LRRC20: variants seen among roughly 807,000 people sequenced by gnomAD.
The protein encoded by LRRC20 is leucine rich repeat containing 20.
Under a neutral mutation model 14.4 loss-of-function variants are expected in LRRC20, and 11 were observed. That is an observed-to-expected ratio of 0.77 (90% CI 0.48 to 1.27). The LOEUF is 1.27. Ranked by LOEUF, LRRC20 falls within the 50% of genes most tolerant of loss-of-function variation. The pLI is 0.00. For missense variants in LRRC20, 219 were observed against 251.2 expected (o/e 0.87, Z 0.87); for synonymous variants, 121 against 107.3 (o/e 1.13, Z -0.79).
intron 4 of LRRC20, among the ~76,000 whole-genome samples, chr10:70,305,353 A>C (rs1024694017): frequency 1.3e-5 from 2 of 152,152 alleles, no homozygotes; most frequent in Non-Finnish European, 1.5e-5. Flanking sequence ...CCTGCTTTCC[A>C]TTCTTCTGGG....
chr10:70,377,963 T>C (rs1181481442), intron 1 of LRRC20, among the ~76,000 whole-genome samples: 3 of 151,988 alleles, frequency 2.0e-5, no homozygotes, highest in African/African-American at 7.3e-5. Flanking sequence ...CTTGGGAGAG[T>C]TTCTTAACTC....
At chr10:70,314,745 T>C (rs1277977892) in intron 4 of LRRC20, among the ~76,000 whole-genome samples, 2 of 152,128 alleles carry the variant, frequency 1.3e-5, no homozygotes, top group Non-Finnish European at 2.9e-5. Flanking sequence ...AGTACTTCCA[T>C]TCTGGGTGCC....
chr10:70,321,164 A>T (rs1297462151), intron 4 of LRRC20, among the ~76,000 whole-genome samples: 1 of 151,526 alleles, frequency 6.6e-6, no homozygotes, highest in East Asian at 1.9e-4. Flanking sequence ...TTTTTCCACC[A>T]CCCTCTAAGC....
At chr10:70,372,522 G>A (rs10733864) in intron 2 of LRRC20, among the ~76,000 whole-genome samples, 116,624 of 149,024 alleles carry the variant, frequency 0.78, 45,777 homozygotes, top group Admixed American at 0.81. Context: ...GCTCACTGCA[G>A]GCTCCACCTC....
At chr10:70,337,816 T>C (rs979820694) in intron 3 of LRRC20, among the ~76,000 whole-genome samples, 1 of 152,188 alleles carries the variant, frequency 6.6e-6, no homozygotes, top group Non-Finnish European at 1.5e-5. Flanking sequence ...CCCTGGTGGA[T>C]TGGCCTTTGT....
intron 2 of LRRC20, among the ~76,000 whole-genome samples, chr10:70,371,619 C>T (rs907442060): frequency 6.6e-6 from 1 of 152,078 alleles, no homozygotes; most frequent in African/African-American, 2.4e-5. Flanking sequence ...GTCCAGGACC[C>T]ACGGAAACCC....
chr10:70,324,035 C>A lies in LRRC20; in HGVS notation c.233-5G>T, dbSNP rs1222240873. On this transcript the variant is annotated splice_region_variant and splice_polypyrimidine_tract_variant and intron_variant, in intron 3 of 4. Coordinates refer to ENST00000446961, the MANE Select transcript of LRRC20 (RefSeq NM_001278212.2). ...AGTTCCCCTCCAGGTGGAGCTCTGC[C>A]ACGTGCAGGGAAGGAGAGAGAACAG... 1.2e-6 allele frequency: 2 copies of A among 1,613,558 alleles called. No homozygotes were observed. Among genetic ancestry groups the A allele is most frequent in the Non-Finnish European group, 1.7e-6 (2 of 1,179,962 alleles).
At chr10:70,378,552 C>T (rs1443211992) in intron 1 of LRRC20, among the ~76,000 whole-genome samples, 2 of 151,568 alleles carry the variant, frequency 1.3e-5, no homozygotes, top group Non-Finnish European at 2.9e-5. Context: ...TTTGGAAGGC[C>T]GAGGTGGGCA....
Position 70,357,964 on chromosome 10 carries a change from C to T in LRRC20, c.83-17262G>A, listed in dbSNP as rs550412029. ...AGGCTTGGGCAGGCCCTGAGGTCTT[C>T]CTGCAAGGAAAGCATCAATCAGTCC... On this transcript the variant is annotated intron_variant, in intron 2 of 4. Coordinates refer to ENST00000446961, the MANE Select transcript of LRRC20 (RefSeq NM_001278212.2). Among the ~76,000 whole-genome samples, 229 of 152,300 alleles carry T rather than the reference C, an allele frequency of 1.5e-3. 1 individual carries two copies. The highest frequency in any genetic ancestry group is 5.2e-3 in the African/African-American group (216 of 41,558).
intron 2 of LRRC20, among the ~76,000 whole-genome samples, chr10:70,354,443 G>A (rs999264597): frequency 6.6e-6 from 1 of 152,160 alleles, no homozygotes; most frequent in Non-Finnish European, 1.5e-5. Context: ...TTCTCCAAGG[G>A]CATCAGCATC....
At chr10:70,337,929 T>A (rs1237188453) in intron 3 of LRRC20, among the ~76,000 whole-genome samples, 1 of 152,176 alleles carries the variant, frequency 6.6e-6, no homozygotes, top group African/African-American at 2.4e-5. Context: ...AGGGCCTGAC[T>A]GTGCCCTTTC....
rs113209074 is a variant in LRRC20, at chr10:70,370,252, T to C, written c.82+6200A>G. Among the ~76,000 whole-genome samples, 17 of 152,312 alleles carry C rather than the reference T, an allele frequency of 1.1e-4. 1 individual carries two copies. Among genetic ancestry groups the C allele is most frequent in the African/African-American group, 3.8e-4 (16 of 41,570 alleles). On this transcript the variant is annotated intron_variant, in intron 2 of 4. Transcript: ENST00000446961. Reference sequence around the variant, plus strand: ...GAGACATTAACAGAAGACGTGCTTCTAGGCTGGTCACACTCAGGCACCTGA... The same window carrying C: ...GAGACATTAACAGAAGACGTGCTTCCAGGCTGGTCACACTCAGGCACCTGA...
intron 2 of LRRC20, among the ~76,000 whole-genome samples, chr10:70,374,782 A>T (rs4746031): frequency 0.97 from 147,625 of 152,302 alleles, 71,696 homozygotes; most frequent in Non-Finnish European, 1. Flanking sequence ...GTGCATTTGC[A>T]AGGGGAAGGG....
intron 2 of LRRC20, among the ~76,000 whole-genome samples, chr10:70,350,206 C>T (rs1843248846): frequency 6.6e-6 from 1 of 152,194 alleles, no homozygotes; most frequent in African/African-American, 2.4e-5. Flanking sequence ...CCTCCAGCAC[C>T]ATGTAGACAG....
rs550418418 is a variant in LRRC20 at position 70,326,677 on chromosome 10, T to C, written c.233-2647A>G. Among the ~76,000 whole-genome samples the C allele has an allele frequency of 9.2e-5, 14 of 152,194 alleles. No homozygotes were observed. The East Asian group carries it at 2.7e-3, about 30-fold the overall frequency. On this transcript the variant is annotated intron_variant, in intron 3 of 4. Coordinates refer to ENST00000446961, the MANE Select transcript of LRRC20 (RefSeq NM_001278212.2). ...CAGAACGCTGCTATCCAGATCACCA[T>C]TATAAGCCTCTGTCACCCAGGCTGG...
At chr10:70,377,992 T>C (rs1844570901) in intron 1 of LRRC20, among the ~76,000 whole-genome samples, 1 of 152,152 alleles carries the variant, frequency 6.6e-6, no homozygotes, top group South Asian at 2.1e-4. Flanking sequence ...CTGTTTCTTC[T>C]TCATGTGAAT....
rs1841091922 is a variant in LRRC20 at position 70,299,680 on chromosome 10, A to T, written c.*1674T>A. 6.6e-6 allele frequency: 1 copy of T among 152,670 alleles called. No homozygotes were observed. The highest frequency in any genetic ancestry group is 6.5e-5 in the Admixed American group (1 of 15,286). 9.5% of individuals were successfully genotyped at this position (152,670 alleles called of 1,614,324 possible). A position where few individuals can be genotyped will look rare whatever the true frequency, so the allele number is the denominator to read the frequency against. On this transcript the variant is annotated 3_prime_UTR_variant, in exon 5 of 5. Transcript: ENST00000446961. ...TCCAGGGCACAAGGCAGGTGGGGCC[A>T]GCGCAGCCTGCACAGGACTTCAGCC...
At chr10:70,370,846 C>A (rs1478700933) in intron 2 of LRRC20, among the ~76,000 whole-genome samples, 1 of 152,000 alleles carries the variant, frequency 6.6e-6, no homozygotes, top group African/African-American at 2.4e-5. Context: ...ACAGTGAGAC[C>A]CCATCTCTAC....
rs112420665 is a variant in LRRC20, at chr10:70,367,855, G to A, written c.82+8597C>T. 1.3e-3 allele frequency among the ~76,000 whole-genome samples: 196 copies of A among 151,512 alleles called. 1 individual carries two copies. The highest frequency in any genetic ancestry group is 4.4e-3 in the African/African-American group (183 of 41,262). On this transcript the variant is annotated intron_variant, in intron 2 of 4. Coordinates refer to ENST00000446961, the MANE Select transcript of LRRC20 (RefSeq NM_001278212.2). ...ATAACAATAAAATACATAAGATCAA[G>A]GCATGGCAGAATCATCTGGGAGGCC...
Sources: gnomAD v4.1 joint callset for allele counts (sites outside exome capture counted in the v4.1 genomes callset) on GRCh38, gnomAD v4.1.1 for gene constraint, MANE v1.5 for transcripts, NCBI Gene and HGNC (gene_info 2026-07-23, HGNC 2026-07-21) for gene names.